CNNM4: variants seen among roughly 807,000 people sequenced by gnomAD.
The protein encoded by CNNM4 is metal transporter CNNM4.
Under a neutral mutation model 53.7 loss-of-function variants are expected in CNNM4, and 32 were observed. The observed-to-expected ratio is 0.60, with a 90% CI of 0.45 to 0.80. The LOEUF (loss-of-function observed/expected upper bound fraction) is 0.80. CNNM4 is among the 30% of genes least tolerant of loss of function. The pLI is 0.00. For synonymous variants in CNNM4, 410 were observed against 440.0 expected (o/e 0.93, Z 0.85); for missense variants, 784 against 1,022.0 (o/e 0.77, Z 3.17).
intron 1 of CNNM4, among the ~76,000 whole-genome samples, chr2:96,777,928 G>A (rs2078940763): frequency 6.7e-6 from 1 of 150,130 alleles, no homozygotes; most frequent in Non-Finnish European, 1.5e-5. Flanking sequence ...GCACAGTAGT[G>A]CGATCTTGGC....
In CNNM4 at chr2:96,808,125, T is replaced by C. The variant is rs2079225545; in HGVS notation, c.1949-436T>C. Among the ~76,000 whole-genome samples, 1 of 152,110 alleles carries C rather than the reference T, an allele frequency of 6.6e-6. No homozygotes were observed. Among genetic ancestry groups the C allele is most frequent in the South Asian group, 2.1e-4 (1 of 4,820 alleles). On this transcript the variant is annotated intron_variant, in intron 5 of 6. Transcript: ENST00000377075. The surrounding 1 kb of genome is among the most constrained non-coding windows in gnomAD (Gnocchi z 4.9). Reference sequence around the variant, plus strand: ...CCTAGTCTCCAACTCTGACCTCAGGTCATCCTCCTGCCTCGGCCTCCCAAA... The same window carrying C: ...CCTAGTCTCCAACTCTGACCTCAGGCCATCCTCCTGCCTCGGCCTCCCAAA...
chr2:96,770,893 C>T (rs1247831664), intron 1 of CNNM4, among the ~76,000 whole-genome samples: 3 of 152,220 alleles, frequency 2.0e-5, no homozygotes, highest in Non-Finnish European at 2.9e-5. Flanking sequence ...GACTGATTTT[C>T]GCAGAGCCTC....
Position 96,808,709 on chromosome 2 carries a change from C to T in CNNM4, c.2097C>T (p.Ser699=), listed in dbSNP as rs746516318. The T allele has an allele frequency of 1.5e-5, 25 of 1,614,072 alleles. No individual in the cohort carries two copies. Among genetic ancestry groups the T allele is most frequent in the East Asian group, 2.2e-5 (1 of 44,892 alleles). Residue 699 remains serine (S), a synonymous_variant, in exon 6 of 7, where the codon AGC becomes AGT. Transcript: ENST00000377075. The surrounding 1 kb of genome is among the most constrained non-coding windows in gnomAD (Gnocchi z 4.9). The part of the protein sequence containing the change: ...SVLGQYISDF[S]VRALVDLQYI... ...TGGGCCAGTACATCTCTGACTTCAG[C>T]GTCCGGGCACTCGTGGACTTGCAGT...
At chr2:96,806,944 G>A (rs1216191871) in intron 5 of CNNM4, among the ~76,000 whole-genome samples, 2 of 152,202 alleles carry the variant, frequency 1.3e-5, no homozygotes, top group African/African-American at 2.4e-5. Flanking sequence ...GGCCAGGCTG[G>A]CTGGGTTGCA....
Position 96,782,969 on chromosome 2 carries a change from G to A in CNNM4, c.1403-14043G>A, listed in dbSNP as rs34774563. ...ACGTGTAATCCTACCACTTTGGGAG[G>A]TCAATGCGGGAGGATCTCTTGGGGT... On this transcript the variant is annotated intron_variant, in intron 1 of 6. Transcript: ENST00000377075. Among the ~76,000 whole-genome samples the A allele has an allele frequency of 1.9e-3, 288 of 152,232 alleles. 1 individual carries two copies. The highest frequency in any genetic ancestry group is 3.4e-3 in the Middle Eastern group (1 of 294).
rs577687188 is a variant in CNNM4, at chr2:96,767,427, G to C, written c.1402+5026G>C. On this transcript the variant is annotated intron_variant, in intron 1 of 6. Coordinates refer to ENST00000377075, the MANE Select transcript of CNNM4 (RefSeq NM_020184.4). ...GTCCACCTTGGAATCTCAGAACAAA[G>C]CCACCTCCAGCTCCTCCTGCCCCAG... is the stretch of plus-strand genomic sequence containing the variant. Among the ~76,000 whole-genome samples, 21 of 152,210 alleles carry C rather than the reference G, an allele frequency of 1.4e-4. No individual in the cohort carries two copies. In the East Asian group the frequency reaches 4.1e-3, roughly 29 times the overall value.
rs367885553 is a variant in CNNM4 at position 96,772,729 on chromosome 2, GCACA to G, written c.1402+10342_1402+10345del. Among the ~76,000 whole-genome samples the G allele has an allele frequency of 7.1e-3, 449 of 63,496 alleles. 5 individuals are homozygous for G. Among genetic ancestry groups the G allele is most frequent in the South Asian group, 9.7e-3 (12 of 1,234 alleles). The allele number at this position is 63,496 out of a possible 152,430, so 41.7% of individuals were successfully genotyped here. A position where few individuals can be genotyped will look rare whatever the true frequency, so the allele number is the denominator to read the frequency against. On this transcript the variant is annotated intron_variant, in intron 1 of 6. Transcript: ENST00000377075. ...GGCAGGCGCTCACACACACATGCGT[GCACA>G]CACACACACACACTCATACCCCCAC...
rs1432236198 is a variant in CNNM4 at position 96,761,015 on chromosome 2, G to A, written c.16G>A (p.Gly6Arg). 8.5e-7 allele frequency: 1 copy of A among 1,179,848 alleles called. No individual in the cohort carries two copies. The highest frequency in any genetic ancestry group is 1.0e-6 in the Non-Finnish European group (1 of 953,792). 73.1% of individuals were successfully genotyped at this position (1,179,848 alleles called of 1,614,324 possible). A position where few individuals can be genotyped will look rare whatever the true frequency, so the allele number is the denominator to read the frequency against. Residue 6 changes from glycine (G) to arginine (R), a missense_variant, in exon 1 of 7, where the codon GGG (glycine) becomes AGG (arginine). Physicochemically the swap from Gly to Arg is moderately radical, Grantham distance 125. Coordinates refer to ENST00000377075, the MANE Select transcript of CNNM4 (RefSeq NM_020184.4). The surrounding 1 kb of genome is among the most constrained non-coding windows in gnomAD (Gnocchi z 6.0). ...CCAGAGCAACATGGCGCCGGTGGGC[G>A]GGGGCGGGCGCCCGGTCGGCGGACC... MAPVG[G>R]GGRPVGGPAR...
chr2:96,803,355 A>G (rs1354929437), intron 5 of CNNM4, among the ~76,000 whole-genome samples: 1 of 152,212 alleles, frequency 6.6e-6, no homozygotes, highest in African/African-American at 2.4e-5. Flanking sequence ...TTTTTATGCA[A>G]AAAAGCAAAA....
In CNNM4 at chr2:96,811,533, T is replaced by C. The variant is rs1206314058; in HGVS notation, c.*2016T>C. On this transcript the variant is annotated 3_prime_UTR_variant, in exon 7 of 7. Coordinates refer to ENST00000377075, the MANE Select transcript of CNNM4 (RefSeq NM_020184.4). ...CATCATTATTTCCAAATATTGTTTG[T>C]CTGATGACTTCCTCTTCCCAGTGCA... is the stretch of plus-strand genomic sequence containing the variant. 1 of 152,588 alleles carries C rather than the reference T, an allele frequency of 6.6e-6. No individual in the cohort carries two copies. Among genetic ancestry groups the C allele is most frequent in the Admixed American group, 6.5e-5 (1 of 15,284 alleles). The allele number at this position is 152,588 out of a possible 1,614,324, so 9.5% of individuals were successfully genotyped here.
chr2:96,779,250 G>A (rs1408260748), intron 1 of CNNM4, among the ~76,000 whole-genome samples: 3 of 152,078 alleles, frequency 2.0e-5, no homozygotes, highest in Non-Finnish European at 2.9e-5. Flanking sequence ...GAGCCACCGC[G>A]CCTGGCCAAT....
chr2:96,795,473 T>A (rs2079094509), intron 1 of CNNM4, among the ~76,000 whole-genome samples: 1 of 144,560 alleles, frequency 6.9e-6, no homozygotes, highest in Non-Finnish European at 1.5e-5. Flanking sequence ...TGTGAAAAAC[T>A]TTCACAATGC....
At chr2:96,774,690 G>A (rs1426133062) in intron 1 of CNNM4, among the ~76,000 whole-genome samples, 1 of 152,080 alleles carries the variant, frequency 6.6e-6, no homozygotes, top group South Asian at 2.1e-4. Context: ...CAGGCTGGGT[G>A]CAGTGGCTCA....
chr2:96,783,961 C>A (rs912311845), intron 1 of CNNM4, among the ~76,000 whole-genome samples: 1 of 152,092 alleles, frequency 6.6e-6, no homozygotes, highest in Non-Finnish European at 1.5e-5. Context: ...CTATATATAT[C>A]CATTTTAAAA....
chr2:96,799,358 C>A, intron 4 of CNNM4, 132 bp downstream of exon 4: 1 of 1,326,798 alleles, frequency 7.5e-7, no homozygotes, highest in Non-Finnish European at 1.1e-6. Context: ...CCCTTGAGCC[C>A]CGCCTGCCCC....
At chr2:96,769,067 C>T (rs1483002323) in intron 1 of CNNM4, among the ~76,000 whole-genome samples, 2 of 152,030 alleles carry the variant, frequency 1.3e-5, no homozygotes, top group Non-Finnish European at 2.9e-5. Context: ...CTGGCTAACA[C>T]GGTAAAACCC....
chr2:96,788,866 T>C (rs2079036845), intron 1 of CNNM4: 1 of 152,266 alleles, frequency 6.6e-6, no homozygotes, highest in Non-Finnish European at 1.5e-5. Context: ...CCCCTGGCTT[T>C]TCCCCATGAG....
At chr2:96,776,242 A>G (rs2078923493) in intron 1 of CNNM4, among the ~76,000 whole-genome samples, 1 of 148,326 alleles carries the variant, frequency 6.7e-6, no homozygotes, top group African/African-American at 2.5e-5. Context: ...GTTGATCAGG[A>G]TGGTCTCGAT....
intron 1 of CNNM4, among the ~76,000 whole-genome samples, chr2:96,792,432 T>TCCCTTC (rs766952642): frequency 6.6e-6 from 1 of 152,076 alleles, no homozygotes; most frequent in Non-Finnish European, 1.5e-5. Context: ...ATCTTCGGCC[T>TCCCTTC]CCCTTCCCCT....
Sources: gnomAD v4.1 joint callset for allele counts (sites outside exome capture counted in the v4.1 genomes callset) on GRCh38, gnomAD v4.1.1 for gene constraint, Gnocchi (gnomAD v3.1) non-coding constraint, MANE v1.5 for transcripts, NCBI Gene and HGNC (gene_info 2026-07-23, HGNC 2026-07-21) for gene names.